The following FADS1 variants were observed in gnomAD, a reference collection of about 807,000 sequenced individuals.
FADS1 encodes fatty acid desaturase 1, also known as acyl-CoA (8-3)-desaturase.
FADS1 carries 17 observed loss-of-function variants against 61.6 expected under a neutral mutation model. The ratio of observed to expected loss-of-function variants is 0.28; its 90% confidence interval spans 0.19 to 0.41. The LOEUF (loss-of-function observed/expected upper bound fraction) is 0.41. Among genes scored for constraint, FADS1 ranks in the 10% least tolerant of loss-of-function variants. The probability of loss-of-function intolerance (pLI) is 1.00; values close to 1 mark genes in which losing one functional copy is unlikely to be tolerated. For synonymous variants in FADS1, 238 were observed against 258.7 expected (o/e 0.92, Z 0.77); for missense variants, 387 against 650.9 (o/e 0.59, Z 4.41).
chr11:61,814,288 C>T (rs2066954666), intron 1 of FADS1: 1 of 152,270 alleles, frequency 6.6e-6, no homozygotes, highest in African/African-American at 2.4e-5. Context: ...TTAAGATCAC[C>T]GAGTATCTGC....
chr11:61,812,596 CAT>C lies in FADS1; in HGVS notation c.557_558del (p.His186ArgfsTer51). The C allele has an allele frequency of 6.2e-7, 1 of 1,614,192 alleles. No homozygotes were observed. Among genetic ancestry groups the C allele is most frequent in the Non-Finnish European group, 8.5e-7 (1 of 1,180,022 alleles). ...TGCAGCAGGTACAGCAGGAAGAAGA[CAT>C]GGTTGGCCTTCATGAGCCCCATCCG... ...VERMGLMKAN[H>X]VFFLLYLLHI... On this transcript the variant is annotated frameshift_variant, in exon 3 of 12. Transcript: ENST00000350997. LOFTEE classifies it high-confidence loss of function.
rs755436131 is a variant in FADS1 at position 61,816,508 on chromosome 11, A to G, written c.375+47T>C. 3.1e-6 allele frequency: 5 copies of G among 1,598,602 alleles called. No homozygotes were observed. Among genetic ancestry groups the G allele is most frequent in the Non-Finnish European group, 4.3e-6 (5 of 1,175,602 alleles). On this transcript the variant is annotated intron_variant, in intron 1 of 11. Coordinates refer to ENST00000350997, the MANE Select transcript of FADS1 (RefSeq NM_013402.7). This position sits in a 1 kb window ranked among gnomAD's most constrained non-coding sequence, Gnocchi z 7.0. Reference sequence around the variant, plus strand: ...GCGTAACTCTGTCTCCCCTGCACTCAGCCTCCGGTCCCGCCCTCTCCTGTG... The same window carrying G: ...GCGTAACTCTGTCTCCCCTGCACTCGGCCTCCGGTCCCGCCCTCTCCTGTG...
At chr11:61,805,528 T>C (rs1296000383) in intron 6 of FADS1, 1 of 152,258 alleles carries the variant, frequency 6.6e-6, no homozygotes, top group Non-Finnish European at 1.5e-5. Flanking sequence ...TCCATCTTGA[T>C]GTGCCATGGA....
At position 61,816,263 on chromosome 11, in the gene FADS1, T is replaced by C. The variant is rs1297119998; in HGVS notation, c.375+292A>G. 1 of 1,598,046 alleles carries C rather than the reference T, an allele frequency of 6.3e-7. No individual in the cohort carries two copies. Among genetic ancestry groups the C allele is most frequent in the Non-Finnish European group, 8.5e-7 (1 of 1,179,586 alleles). On this transcript the variant is annotated intron_variant, in intron 1 of 11. Transcript: ENST00000350997. The surrounding 1 kb of genome is among the most constrained non-coding windows in gnomAD (Gnocchi z 7.0). ...GGGGTTCTGTCCCCGCCCAGAGACCTGAGGCTCGGGGCTGCAGATGGAATG... is the reference window on the plus strand; with the variant it reads ...GGGGTTCTGTCCCCGCCCAGAGACCCGAGGCTCGGGGCTGCAGATGGAATG...
At position 61,816,592 on chromosome 11, in the gene FADS1, G is replaced by C. The variant is rs773209834; in HGVS notation, c.338C>G (p.Ser113Cys). The C allele has an allele frequency of 6.2e-7, 1 of 1,609,972 alleles. No homozygotes were observed. Among genetic ancestry groups the C allele is most frequent in the South Asian group, 1.1e-5 (1 of 90,498 alleles). The change falls in exon 1 of 12, where the codon TCC becomes TGC. Residue 113 changes from serine (S) to cysteine (C), a missense_variant. This residue lies in a region of FADS1 where 257 missense variants were observed against 533.3 expected (regional missense o/e 0.48). Coordinates refer to ENST00000350997, the MANE Select transcript of FADS1 (RefSeq NM_013402.7). This position sits in a 1 kb window ranked among gnomAD's most constrained non-coding sequence, Gnocchi z 7.0. ...CCCGGCGTAGTGGCTGATGACCCGG[G>C]AGCCCCCTGGATGCCGGCGGGTGAA... is the stretch of plus-strand genomic sequence containing the variant. ...SEFTRRHPGGSRVISHYAGQD... is the reference protein window; with the variant it reads ...SEFTRRHPGGCRVISHYAGQD...
chr11:61,816,447 G>GC lies in FADS1; in HGVS notation c.375+107dup. 1.3e-6 allele frequency: 2 copies of GC among 1,599,656 alleles called. No individual in the cohort carries two copies. Among genetic ancestry groups the GC allele is most frequent in the Non-Finnish European group, 1.7e-6 (2 of 1,179,770 alleles). ...AACAGGTATGATCAGGCGCCTCCGG[G>GC]CTTTCCTCCGAATTAGTCGGTGTTT... On this transcript the variant is annotated intron_variant, in intron 1 of 11. Transcript: ENST00000350997. This position sits in a 1 kb window ranked among gnomAD's most constrained non-coding sequence, Gnocchi z 7.0.
At chr11:61,806,794 T>C in intron 5 of FADS1, 70 bp from the exon 6 acceptor site, 1 of 1,470,124 alleles carries the variant, frequency 6.8e-7, no homozygotes, top group Non-Finnish European at 9.5e-7. Flanking sequence ...TGACCTTTCC[T>C]TGCTTGGAGG....
Position 61,816,222 on chromosome 11 carries a change from CT to C in FADS1, c.375+332del. 1 of 1,587,316 alleles carries C rather than the reference CT, an allele frequency of 6.3e-7. No homozygotes were observed. Among genetic ancestry groups the C allele is most frequent in the South Asian group, 1.1e-5 (1 of 89,526 alleles). ...GCCTGCATCCTTGCTCTCCTCCCTC[CT>C]AGCCTACCCAGCTCGGGGTTCTGTC... On this transcript the variant is annotated intron_variant, in intron 1 of 11. Transcript: ENST00000350997. The surrounding 1 kb of genome is among the most constrained non-coding windows in gnomAD (Gnocchi z 7.0).
At chr11:61,811,414 T>C (rs1054208734) in intron 3 of FADS1, among the ~76,000 whole-genome samples, 5 of 152,068 alleles carry the variant, frequency 3.3e-5, no homozygotes, top group Non-Finnish European at 5.9e-5. Context: ...GTAATTCTCC[T>C]GCCTCAGCCT....
At chr11:61,808,398 C>T (rs887846306) in intron 5 of FADS1, among the ~76,000 whole-genome samples, 1 of 151,806 alleles carries the variant, frequency 6.6e-6, no homozygotes, top group Non-Finnish European at 1.5e-5. Flanking sequence ...AGCTATGAGG[C>T]TGAGGATGGG....
At chr11:61,812,375 G>T in intron 3 of FADS1, 96 bp downstream of exon 3, 1 of 1,090,046 alleles carries the variant, frequency 9.2e-7, no homozygotes, top group Non-Finnish European at 1.4e-6. Flanking sequence ...TGCCCTGCTT[G>T]GAGGGCAGGC....
In FADS1 at chr11:61,801,190, C is replaced by A. The variant is rs1443337324; in HGVS notation, c.*1221G>T. 3 of 152,362 alleles carry A rather than the reference C, an allele frequency of 2.0e-5. No homozygotes were observed. Among genetic ancestry groups the A allele is most frequent in the Admixed American group, 2.0e-4 (3 of 15,286 alleles). The allele number at this position is 152,362 out of a possible 1,614,324, so 9.4% of individuals were successfully genotyped here. On this transcript the variant is annotated 3_prime_UTR_variant, in exon 12 of 12. Transcript: ENST00000350997. ...AGAAAGTTTCTACTTATAGCCCTTA[C>A]ATTCTTTATGACCGAAATCTGTGTC...
Position 61,806,665 on chromosome 11 carries a change from T to G in FADS1, c.975A>C (p.Leu325=). 6.2e-7 allele frequency: 1 copy of G among 1,613,838 alleles called. No individual in the cohort carries two copies. Among genetic ancestry groups the G allele is most frequent in the Non-Finnish European group, 8.5e-7 (1 of 1,179,714 alleles). ...PYNHQHKYFF[L]IGPPALLPLY... is the part of the protein sequence containing the mutation. ...CCTGTGTTGGATGGGGACACTCACT[T>G]AGGAAGAAGTATTTGTGCTGGTGGT... is the stretch of plus-strand genomic sequence containing the variant. Residue 325 remains leucine (L), a splice_region_variant and synonymous_variant, in exon 6 of 12, where the codon CTA becomes CTC. Coordinates refer to ENST00000350997, the MANE Select transcript of FADS1 (RefSeq NM_013402.7).
rs1184905749 is a variant in FADS1 at position 61,815,427 on chromosome 11, G to A, written c.375+1128C>T. On this transcript the variant is annotated intron_variant, in intron 1 of 11. Transcript: ENST00000350997. This position sits in a 1 kb window ranked among gnomAD's most constrained non-coding sequence, Gnocchi z 6.4. ...GGGTGGGGCGGGTCTTCGCCCCGCA[G>A]CGTCTAAGCTCTGCTGCGACGTTAT... 2.0e-5 allele frequency: 3 copies of A among 152,322 alleles called. No individual in the cohort carries two copies. Among genetic ancestry groups the A allele is most frequent in the African/African-American group, 7.2e-5 (3 of 41,464 alleles). The allele number at this position is 152,322 out of a possible 1,614,324, so 9.4% of individuals were successfully genotyped here.
Position 61,816,976 on chromosome 11 carries a change from G to A in FADS1, c.-47C>T. ...GGAGCGAGATCCCGTCCCCCGGTGG[G>A]TCTTGGGCAACTCACAGCTGGGCTG... is the stretch of plus-strand genomic sequence containing the variant. On this transcript the variant is annotated 5_prime_UTR_variant, in exon 1 of 12. Transcript: ENST00000350997. The surrounding 1 kb of genome is among the most constrained non-coding windows in gnomAD (Gnocchi z 7.0). 7.4e-7 allele frequency: 1 copy of A among 1,354,122 alleles called. No homozygotes were observed. The highest frequency in any genetic ancestry group is 9.4e-7 in the Non-Finnish European group (1 of 1,060,254). The allele number at this position is 1,354,122 out of a possible 1,614,324, so 83.9% of individuals were successfully genotyped here. A position where few individuals can be genotyped will look rare whatever the true frequency, so the allele number is the denominator to read the frequency against.
chr11:61,807,611 G>T (rs1225434968), intron 5 of FADS1, among the ~76,000 whole-genome samples: 1 of 152,176 alleles, frequency 6.6e-6, no homozygotes, highest in Non-Finnish European at 1.5e-5. Flanking sequence ...GTAGGTGGTG[G>T]TTATTTTTTA....
Position 61,803,615 on chromosome 11 carries a change from G to T in FADS1, c.1151+55C>A. ...CCCAGCACGGCCCCTAGACCAGACT[G>T]GTCACTCCCCAACATTTCCTTCACC... is the stretch of plus-strand genomic sequence containing the variant. On this transcript the variant is annotated intron_variant, in intron 8 of 11. Coordinates refer to ENST00000350997, the MANE Select transcript of FADS1 (RefSeq NM_013402.7). This position sits in a 1 kb window ranked among gnomAD's most constrained non-coding sequence, Gnocchi z 4.3. 6.8e-7 allele frequency: 1 copy of T among 1,480,890 alleles called. No individual in the cohort carries two copies. Among genetic ancestry groups the T allele is most frequent in the Non-Finnish European group, 9.4e-7 (1 of 1,058,874 alleles). 91.7% of individuals were successfully genotyped at this position (1,480,890 alleles called of 1,614,324 possible). A position where few individuals can be genotyped will look rare whatever the true frequency, so the allele number is the denominator to read the frequency against.
At chr11:61,813,622 T>A (rs2066947843) in intron 1 of FADS1, 1 of 401,794 alleles carries the variant, frequency 2.5e-6, no homozygotes, top group Non-Finnish European at 4.4e-6. Context: ...ATCAGTGCTC[T>A]ATAAAATGGA....
Position 61,803,021 on chromosome 11 carries a change from TC to T in FADS1, c.1328+10del. On this transcript the variant is annotated intron_variant, in intron 10 of 11. Coordinates refer to ENST00000350997, the MANE Select transcript of FADS1 (RefSeq NM_013402.7). The surrounding 1 kb of genome is among the most constrained non-coding windows in gnomAD (Gnocchi z 4.3). ...TCCCCAGGACCCTGCTTCCCCAGGC[TC>T]CCTACTCACTGGTGCTCAATCTGGA... 1 of 1,614,090 alleles carries T rather than the reference TC, an allele frequency of 6.2e-7. No homozygotes were observed. The highest frequency in any genetic ancestry group is 8.5e-7 in the Non-Finnish European group (1 of 1,180,000).
Sources: gnomAD v4.1 joint callset for allele counts (sites outside exome capture counted in the v4.1 genomes callset) on GRCh38, gnomAD v4.1.1 for gene constraint, gnomAD v4.1.1 regional missense constraint, Gnocchi (gnomAD v3.1) non-coding constraint, MANE v1.5 for transcripts, NCBI Gene and HGNC (gene_info 2026-07-23, HGNC 2026-07-21) for gene names.